Variants in CNTNAP2 observed in about 807,000 individuals in gnomAD.
The protein encoded by CNTNAP2 is contactin-associated protein-like 2.
In CNTNAP2, 98 loss-of-function variants were observed where a neutral mutation model predicts 155.2. That is an observed-to-expected ratio of 0.63 (90% CI 0.54 to 0.75). The LOEUF (loss-of-function observed/expected upper bound fraction) is 0.75. CNTNAP2 is among the 30% of genes least tolerant of loss of function. The pLI is 0.00. For missense variants in CNTNAP2, 1,727 were observed against 1,688.1 expected (o/e 1.02, Z -0.40); for synonymous variants, 651 against 631.2 (o/e 1.03, Z -0.47).
intron 13 of CNTNAP2, among the ~76,000 whole-genome samples, chr7:147,654,502 A>T (rs1188706022): frequency 6.6e-6 from 1 of 152,186 alleles, no homozygotes; most frequent in African/African-American, 2.4e-5. Context: ...TTAAAGTTTT[A>T]TCATGAGATT....
intron 11 of CNTNAP2, among the ~76,000 whole-genome samples, chr7:147,532,354 G>C (rs1799455953): frequency 6.6e-6 from 1 of 152,166 alleles, no homozygotes; most frequent in Non-Finnish European, 1.5e-5. Flanking sequence ...CTTTGATCCT[G>C]TTCCCAATAA....
At chr7:146,445,974 C>G (rs763934254) in intron 1 of CNTNAP2, among the ~76,000 whole-genome samples, 1 of 152,058 alleles carries the variant, frequency 6.6e-6, no homozygotes, top group Non-Finnish European at 1.5e-5. Flanking sequence ...TGGGATTAAT[C>G]TTGGTAAAGT....
chr7:146,617,413 T>C (rs1799244051), intron 1 of CNTNAP2, among the ~76,000 whole-genome samples: 3 of 152,218 alleles, frequency 2.0e-5, no homozygotes. Flanking sequence ...CAGACTGTTA[T>C]TTGAAACATT....
At chr7:147,434,224 G>A (rs777460904) in intron 10 of CNTNAP2, among the ~76,000 whole-genome samples, 6 of 152,086 alleles carry the variant, frequency 3.9e-5, no homozygotes, top group Non-Finnish European at 8.8e-5. Flanking sequence ...TTAATATCTT[G>A]AGAAAATATT....
chr7:146,300,909 T>A (rs527639133), intron 1 of CNTNAP2, among the ~76,000 whole-genome samples: 7 of 152,204 alleles, frequency 4.6e-5, no homozygotes, highest in Non-Finnish European at 7.3e-5. Flanking sequence ...ATTAAAATGT[T>A]TATACAAATC....
intron 3 of CNTNAP2, among the ~76,000 whole-genome samples, chr7:146,933,223 C>A (rs1331918619): frequency 6.6e-6 from 1 of 151,948 alleles, no homozygotes; most frequent in Non-Finnish European, 1.5e-5. Context: ...CAGCATGGTA[C>A]TGGTACCAAA....
intron 13 of CNTNAP2, among the ~76,000 whole-genome samples, chr7:147,899,213 G>A (rs1328789724): frequency 6.6e-6 from 1 of 152,140 alleles, no homozygotes; most frequent in African/African-American, 2.4e-5. Context: ...GGTGGCATGT[G>A]CCTGTAGTTC....
chr7:147,204,633 A>G (rs910607018), intron 8 of CNTNAP2, among the ~76,000 whole-genome samples: 1 of 152,108 alleles, frequency 6.6e-6, no homozygotes, highest in Non-Finnish European at 1.5e-5. Flanking sequence ...CTAGGTACCT[A>G]GTGTTGATGA....
chr7:147,583,531 T>TATATATATAA (rs1280154794), intron 12 of CNTNAP2, among the ~76,000 whole-genome samples: 41 of 140,600 alleles, frequency 2.9e-4, no homozygotes, highest in African/African-American at 1.0e-3. Flanking sequence ...TATATATATA[T>TATATATATAA]AATGTCAAAC....
At chr7:148,227,603 C>A (rs1795876622) in intron 19 of CNTNAP2, among the ~76,000 whole-genome samples, 1 of 152,094 alleles carries the variant, frequency 6.6e-6, no homozygotes, top group South Asian at 2.1e-4. Flanking sequence ...TGGGTGCCAA[C>A]AGAAAGCCTG....
chr7:146,943,649 C>T (rs946310452), intron 3 of CNTNAP2, among the ~76,000 whole-genome samples: 3 of 152,146 alleles, frequency 2.0e-5, no homozygotes, highest in African/African-American at 7.2e-5. Context: ...GTCTATGGTA[C>T]ATATCATGCC....
Position 146,338,990 on chromosome 7 carries a change from G to A in CNTNAP2, c.97+222017G>A, listed in dbSNP as rs28410640. 7.9e-5 allele frequency among the ~76,000 whole-genome samples: 12 copies of A among 151,774 alleles called. No homozygotes were observed. In the East Asian group the frequency reaches 1.9e-3, roughly 25 times the overall value. ...CTGAGGTCAGGAGTTCAAGACCAGC[G>A]TGGCCAACATGGTGAAACCCCTTCT... On this transcript the variant is annotated intron_variant, in intron 1 of 23. Transcript: ENST00000361727.
chr7:146,888,874 G>T (rs953977423), intron 3 of CNTNAP2, among the ~76,000 whole-genome samples: 3 of 152,008 alleles, frequency 2.0e-5, no homozygotes, highest in Non-Finnish European at 2.9e-5. Flanking sequence ...GTCAAAGGGG[G>T]CAACATCTCA....
intron 3 of CNTNAP2, among the ~76,000 whole-genome samples, chr7:147,040,339 GA>G (rs763779786): frequency 9.9e-5 from 15 of 151,870 alleles, no homozygotes; most frequent in Non-Finnish European, 2.1e-4. Context: ...GTAAATGTAT[GA>G]ATGAAGCATT....
chr7:147,926,647 T>C (rs1412268273), intron 14 of CNTNAP2, among the ~76,000 whole-genome samples: 1 of 152,188 alleles, frequency 6.6e-6, no homozygotes. Context: ...GTTCATGAAG[T>C]CTCGTTATAT....
chr7:146,125,226 A>C (rs2087428561), intron 1 of CNTNAP2, among the ~76,000 whole-genome samples: 1 of 152,160 alleles, frequency 6.6e-6, no homozygotes, highest in Admixed American at 6.5e-5. Flanking sequence ...TGACTAGTTA[A>C]AAGGAAATAG....
rs183703021 is a variant in CNTNAP2, at chr7:147,736,428, G to A, written c.2098+97122G>A. ...ATGGGCTTCCCTTTGTGGGTAACCC[G>A]ACCTTTCTCTCTGGCTGCCCTTAAC... On this transcript the variant is annotated intron_variant, in intron 13 of 23. Coordinates refer to ENST00000361727, the MANE Select transcript of CNTNAP2 (RefSeq NM_014141.6). 3.3e-3 allele frequency among the ~76,000 whole-genome samples: 506 copies of A among 152,216 alleles called. 6 individuals carry two copies. The highest frequency in any genetic ancestry group is 0.011 in the African/African-American group (467 of 41,526).
chr7:147,213,129 T>G (rs144413230), intron 8 of CNTNAP2, among the ~76,000 whole-genome samples: 1 of 152,230 alleles, frequency 6.6e-6, no homozygotes, highest in African/African-American at 2.4e-5. Flanking sequence ...CTCTACAAAT[T>G]GAAAAATGAG....
chr7:147,054,387 A>G (rs1238275449), intron 4 of CNTNAP2, among the ~76,000 whole-genome samples: 2 of 152,150 alleles, frequency 1.3e-5, no homozygotes, highest in African/African-American at 2.4e-5. Flanking sequence ...AAGTTTATCA[A>G]TATCAGTTAG....
Sources: gnomAD v4.1 joint callset for allele counts (sites outside exome capture counted in the v4.1 genomes callset) on GRCh38, gnomAD v4.1.1 for gene constraint, MANE v1.5 for transcripts, NCBI Gene and HGNC (gene_info 2026-07-23, HGNC 2026-07-21) for gene names.